The following SIPA1L3 variants were observed in gnomAD, a reference collection of about 807,000 sequenced individuals.
SIPA1L3 encodes signal-induced proliferation-associated 1-like protein 3.
A neutral mutation model predicts 150.1 loss-of-function variants in SIPA1L3; 59 were observed. That is an observed-to-expected ratio of 0.39 (90% CI 0.32 to 0.49). The LOEUF (loss-of-function observed/expected upper bound fraction) is 0.49, where lower values mean the gene tolerates loss of function less well. Among genes scored for constraint, SIPA1L3 ranks in the 20% least tolerant of loss-of-function variants. SIPA1L3 has a pLI of 0.86. For missense variants in SIPA1L3, 2,211 were observed against 2,489.5 expected (o/e 0.89, Z 2.38); for synonymous variants, 1,070 against 1,077.6 (o/e 0.99, Z 0.14).
At chr19:38,122,812 A>G (rs1339724859) in intron 9 of SIPA1L3, among the ~76,000 whole-genome samples, 2 of 151,916 alleles carry the variant, frequency 1.3e-5, no homozygotes, top group Non-Finnish European at 2.9e-5. Flanking sequence ...TTCTCTGATC[A>G]CCACATGGCT....
At position 38,082,471 on chromosome 19, in the gene SIPA1L3, T is replaced by G. The variant is rs771561390; in HGVS notation, c.906T>G (p.Phe302Leu). The change falls in exon 3 of 22, where the codon TTT (phenylalanine) becomes TTG (leucine). Residue 302 changes from phenylalanine to leucine, a missense_variant. By Grantham distance (22) the Phe-to-Leu change is conservative. Coordinates refer to ENST00000222345, the MANE Select transcript of SIPA1L3 (RefSeq NM_015073.3). ...GGGDTVDSSI[F>L]RKLRSSKPEG... ...GGGACACGGTGGACTCGTCCATCTT[T>G]CGGAAGCTAAGGAGCAGCAAACCCG... is the stretch of plus-strand genomic sequence containing the variant. The G allele has an allele frequency of 1.9e-6, 3 of 1,590,580 alleles. No homozygotes were observed. The South Asian group carries it at 3.4e-5, about 18-fold the overall frequency.
chr19:38,100,202 C>T, intron 5 of SIPA1L3, 52 bp downstream of exon 5: 1 of 1,348,236 alleles, frequency 7.4e-7, no homozygotes, highest in African/African-American at 1.5e-5. Context: ...CCTTGCAACC[C>T]CACTCCTGGT....
At position 38,164,716 on chromosome 19, in the gene SIPA1L3, A is replaced by C. The variant is rs746105561; in HGVS notation, c.4018A>C (p.Ser1340Arg). The change falls in exon 15 of 22, where the codon AGT (serine) becomes CGT (arginine). Residue 1340 changes from serine to arginine, a missense_variant. Around this residue, in one of 5 missense-constraint regions of SIPA1L3, gnomAD observed 806 missense variants for 870.1 expected, o/e 0.93. Transcript: ENST00000222345. The surrounding 1 kb of genome is among the most constrained non-coding windows in gnomAD (Gnocchi z 4.1). ...RPAKPHKPPG[S>R]MGLCGGGREA... ...CGCCAAGCCACACAAGCCCCCTGGA[A>C]GTATGGGCCTTTGTGGCGGGGGTCG... The C allele has an allele frequency of 2.5e-6, 4 of 1,614,084 alleles. No individual in the cohort carries two copies. The South Asian group carries it at 4.4e-5, about 18-fold the overall frequency.
chr19:37,946,371 G>A (rs918171309), intron 1 of SIPA1L3, among the ~76,000 whole-genome samples: 3 of 152,064 alleles, frequency 2.0e-5, no homozygotes, highest in South Asian at 4.1e-4. Context: ...GGCCTCAAGC[G>A]ATCCTCCCCC....
intron 1 of SIPA1L3, among the ~76,000 whole-genome samples, chr19:37,983,918 A>G (rs1458736546): frequency 5.9e-5 from 9 of 151,942 alleles, no homozygotes; most frequent in Admixed American, 5.9e-4. Context: ...AAAAAAAAAA[A>G]AAAAAAAAGA....
intron 3 of SIPA1L3, among the ~76,000 whole-genome samples, chr19:38,084,640 T>TC (rs200252071): frequency 8.4e-4 from 121 of 144,100 alleles, no homozygotes; most frequent in African/African-American, 2.8e-3. Flanking sequence ...TTTTTCTTTT[T>TC]TTTTTTTTTT....
intron 2 of SIPA1L3, among the ~76,000 whole-genome samples, chr19:38,071,356 G>A (rs765328212): frequency 6.6e-6 from 1 of 151,846 alleles, no homozygotes; most frequent in Non-Finnish European, 1.5e-5. Context: ...GCGTGATCTC[G>A]GCTCACTGCC....
chr19:38,071,053 C>T lies in SIPA1L3; in HGVS notation c.-310-10203C>T, dbSNP rs919873767. ...AGCTATCTCCAAGCATTGCTTTCAG[C>T]TTCTTGGGCGTGCTGCTTCCCAGGG... On this transcript the variant is annotated intron_variant, in intron 2 of 21. Coordinates refer to ENST00000222345, the MANE Select transcript of SIPA1L3 (RefSeq NM_015073.3). Among the ~76,000 whole-genome samples, 20 of 152,290 alleles carry T rather than the reference C, an allele frequency of 1.3e-4. No homozygotes were observed. The South Asian group carries it at 4.1e-3, about 32-fold the overall frequency.
At chr19:38,165,237 T>G (rs1289627409) in intron 15 of SIPA1L3, among the ~76,000 whole-genome samples, 1 of 152,214 alleles carries the variant, frequency 6.6e-6, no homozygotes, top group Non-Finnish European at 1.5e-5. Context: ...TCACAGACTG[T>G]ATCTGATAGA....
intron 1 of SIPA1L3, among the ~76,000 whole-genome samples, chr19:37,915,627 C>T (rs1427162365): frequency 6.6e-5 from 10 of 152,086 alleles, no homozygotes; most frequent in South Asian, 2.1e-4. Flanking sequence ...AGTGATCCGA[C>T]GGCCTCAGCC....
At chr19:38,085,664 C>T (rs1184304516) in intron 3 of SIPA1L3, among the ~76,000 whole-genome samples, 1 of 152,112 alleles carries the variant, frequency 6.6e-6, no homozygotes. Context: ...CTTCGTATAC[C>T]TGGCAACTTG....
intron 13 of SIPA1L3, among the ~76,000 whole-genome samples, chr19:38,158,981 G>A (rs1213829410): frequency 5.9e-5 from 9 of 152,196 alleles, no homozygotes; most frequent in African/African-American, 9.6e-5. Flanking sequence ...TTTTGAGGCC[G>A]GATGTGACTG....
At chr19:37,935,586 C>T (rs2046593470) in intron 1 of SIPA1L3, among the ~76,000 whole-genome samples, 1 of 152,094 alleles carries the variant, frequency 6.6e-6, no homozygotes, top group Non-Finnish European at 1.5e-5. Flanking sequence ...TGCTTGGGGT[C>T]TGTTATGTGG....
chr19:38,168,202 C>T (rs1415178715), intron 15 of SIPA1L3, among the ~76,000 whole-genome samples: 1 of 152,114 alleles, frequency 6.6e-6, no homozygotes, highest in East Asian at 1.9e-4. Context: ...GCCTGGCCCA[C>T]ATGATGAAAC....
At chr19:38,142,458 G>A (rs576798631) in intron 11 of SIPA1L3, 115 bp from the exon 12 acceptor site, 15 of 1,207,520 alleles carry the variant, frequency 1.2e-5, no homozygotes, top group East Asian at 5.0e-5. Context: ...GGGAAAGTTC[G>A]GTTGGTCTGT....
At chr19:38,183,328 G>A (rs1972602418) in intron 16 of SIPA1L3, among the ~76,000 whole-genome samples, 1 of 152,002 alleles carries the variant, frequency 6.6e-6, no homozygotes, top group South Asian at 2.1e-4. Context: ...TGCTGTCATG[G>A]TCCAGGCGCA....
At chr19:38,065,923 T>TTATTTATC (rs1969573221) in intron 2 of SIPA1L3, among the ~76,000 whole-genome samples, 1 of 146,520 alleles carries the variant, frequency 6.8e-6, no homozygotes, top group Non-Finnish European at 1.5e-5. Context: ...ATCTATTTAT[T>TTATTTATC]TATTTATTTA....
intron 13 of SIPA1L3, among the ~76,000 whole-genome samples, chr19:38,153,396 G>A (rs887494965): frequency 2.0e-5 from 3 of 152,174 alleles, no homozygotes; most frequent in South Asian, 2.1e-4. Context: ...ATGGCCAGGC[G>A]GGGTGGCTCA....
chr19:37,994,518 A>G (rs1967586770), intron 1 of SIPA1L3, among the ~76,000 whole-genome samples: 1 of 152,254 alleles, frequency 6.6e-6, no homozygotes, highest in Admixed American at 6.5e-5. Context: ...CTTGAAAACC[A>G]CTGAAGGTCT....
Sources: allele counts gnomAD v4.1 joint callset (sites outside exome capture counted in the v4.1 genomes callset), GRCh38; gene constraint gnomAD v4.1.1; regional missense constraint gnomAD v4.1.1; non-coding constraint Gnocchi (gnomAD v3.1); transcripts MANE v1.5; gene names NCBI Gene and HGNC (gene_info 2026-07-23, HGNC 2026-07-21).